Variants in SLC24A4 observed in about 807,000 individuals in gnomAD.
SLC24A4 encodes the protein solute carrier family 24 member 4.
In SLC24A4, 53 loss-of-function variants were observed where a neutral mutation model predicts 79.0. That is an observed-to-expected ratio of 0.67 (90% confidence interval 0.54 to 0.84). SLC24A4 has a LOEUF of 0.84. Among genes scored for constraint, SLC24A4 ranks in the 40% least tolerant of loss-of-function variants. SLC24A4 has a pLI of 0.00. For missense variants in SLC24A4, 731 were observed against 822.0 expected (o/e 0.89, Z 1.35); for synonymous variants, 323 against 323.8 (o/e 1.00, Z 0.03).
chr14:92,483,661 A>G, intron 13 of SLC24A4: 1 of 1,176,872 alleles, frequency 8.5e-7, no homozygotes, highest in African/African-American at 1.6e-5. Context: ...CAGGCCACAC[A>G]GGAGCCTCCT....
intron 12 of SLC24A4, 92 bp from the exon 13 acceptor site, chr14:92,482,588 C>A: frequency 7.9e-7 from 1 of 1,267,980 alleles, no homozygotes; most frequent in Non-Finnish European, 1.1e-6. Flanking sequence ...TCTTATTTAG[C>A]TTGAAGACTA....
intron 12 of SLC24A4, chr14:92,462,886 G>A (rs1445077149): frequency 1.3e-5 from 2 of 152,198 alleles, no homozygotes; most frequent in African/African-American, 4.8e-5. Context: ...GACCCCAGAT[G>A]TGCTTAGGGG....
At chr14:92,483,617 A>C (rs752461907) in intron 13 of SLC24A4, 10 of 647,180 alleles carry the variant, frequency 1.5e-5, no homozygotes, top group Admixed American at 1.5e-4. Flanking sequence ...ACAAGTCCCC[A>C]TGTAAACCTT....
At chr14:92,338,434 C>T (rs1291116909) in intron 2 of SLC24A4, among the ~76,000 whole-genome samples, 1 of 152,214 alleles carries the variant, frequency 6.6e-6, no homozygotes, top group Non-Finnish European at 1.5e-5. Flanking sequence ...TGGGGCTTTT[C>T]AGAATTGATC....
intron 16 of SLC24A4, 134 bp from the exon 17 acceptor site, chr14:92,493,342 T>C: frequency 1.9e-6 from 2 of 1,059,328 alleles, no homozygotes; most frequent in Non-Finnish European, 1.4e-6. Context: ...AGGATCAGAC[T>C]GCAGCACCCC....
intron 15 of SLC24A4, 93 bp from the exon 16 acceptor site, chr14:92,492,082 A>G (rs556231816): frequency 5.2e-6 from 6 of 1,152,554 alleles, no homozygotes; most frequent in East Asian, 2.4e-5. Context: ...TTTCCTGATG[A>G]GGGAATGCAT....
chr14:92,474,717 A>G (rs371683815), intron 12 of SLC24A4, among the ~76,000 whole-genome samples: 3 of 4,912 alleles, frequency 6.1e-4, no homozygotes, highest in African/African-American at 2.7e-4. Context: ...GTGTATATAT[A>G]TATACACACA....
chr14:92,342,184 C>T (rs914383870), intron 2 of SLC24A4, among the ~76,000 whole-genome samples: 3 of 151,746 alleles, frequency 2.0e-5, no homozygotes, highest in Non-Finnish European at 4.4e-5. Context: ...CAAGAGATCA[C>T]GGAGGAGATC....
intron 2 of SLC24A4, among the ~76,000 whole-genome samples, chr14:92,363,180 G>A (rs898720324): frequency 2.6e-5 from 4 of 152,238 alleles, no homozygotes; most frequent in African/African-American, 7.2e-5. Flanking sequence ...CTTGCTTCCA[G>A]CCCGTGCCTC....
At chr14:92,351,988 G>C (rs144172481) in intron 2 of SLC24A4, among the ~76,000 whole-genome samples, 1 of 151,654 alleles carries the variant, frequency 6.6e-6, no homozygotes, top group African/African-American at 2.4e-5. Flanking sequence ...GTAGGTGAAG[G>C]CTTAGTTTTA....
In SLC24A4 at chr14:92,492,238, AC is replaced by A. The variant is rs1381408631; in HGVS notation, c.1716del (p.Val573SerfsTer6). ...VVLLLGSVAL[T>X]VLGIHLNKWR... ...CCTGTTGCTGGGCTCTGTCGCTCTC[AC>A]CGTGAGTCTTTACAATTCCAAAACA... On this transcript the variant is annotated frameshift_variant and splice_region_variant, in exon 16 of 17. Coordinates refer to ENST00000532405, the MANE Select transcript of SLC24A4 (RefSeq NM_153646.4). LOFTEE classifies it high-confidence loss of function. 2 of 1,613,976 alleles carry A rather than the reference AC, an allele frequency of 1.2e-6. No homozygotes were observed. Among genetic ancestry groups the A allele is most frequent in the Non-Finnish European group, 1.7e-6 (2 of 1,179,912 alleles).
chr14:92,359,768 AC>A (rs1407758962), intron 2 of SLC24A4, among the ~76,000 whole-genome samples: 1 of 152,130 alleles, frequency 6.6e-6, no homozygotes, highest in Non-Finnish European at 1.5e-5. Context: ...CCTGCAAATC[AC>A]ACCCCTCCGC....
chr14:92,492,042 G>A (rs573813517), intron 15 of SLC24A4, 133 bp from the exon 16 acceptor site: 13 of 836,380 alleles, frequency 1.6e-5, no homozygotes, highest in East Asian at 4.9e-5. Context: ...GACCCTCCAC[G>A]ACCATGTGGT....
At chr14:92,400,042 A>G (rs1242287192) in intron 2 of SLC24A4, among the ~76,000 whole-genome samples, 1 of 152,276 alleles carries the variant, frequency 6.6e-6, no homozygotes, top group Non-Finnish European at 1.5e-5. Flanking sequence ...GGCGTGAGCA[A>G]CTGTGCCTAG....
intron 13 of SLC24A4, among the ~76,000 whole-genome samples, chr14:92,485,724 T>C (rs558408933): frequency 6.6e-6 from 1 of 152,238 alleles, no homozygotes; most frequent in East Asian, 1.9e-4. Context: ...AAGATCAAAT[T>C]AATGAATATG....
chr14:92,444,657 C>A (rs1415894325), intron 7 of SLC24A4, among the ~76,000 whole-genome samples: 1 of 152,116 alleles, frequency 6.6e-6, no homozygotes, highest in Admixed American at 6.5e-5. Context: ...GAGTTTGAGA[C>A]CAGCCTGGCC....
chr14:92,492,315 G>A, intron 16 of SLC24A4, 75 bp downstream of exon 16: 1 of 1,387,060 alleles, frequency 7.2e-7, no homozygotes, highest in Non-Finnish European at 1.0e-6. Context: ...TCACTTACGT[G>A]ACTCTGTACA....
intron 2 of SLC24A4, among the ~76,000 whole-genome samples, chr14:92,327,591 T>G (rs542270490): frequency 6.6e-6 from 1 of 152,262 alleles, no homozygotes; most frequent in East Asian, 1.9e-4. Flanking sequence ...TCAGGAATGT[T>G]TGGGTGGTTT....
At chr14:92,461,537 C>CTTGT (rs755841979) in intron 12 of SLC24A4, among the ~76,000 whole-genome samples, 4 of 152,164 alleles carry the variant, frequency 2.6e-5, no homozygotes, top group South Asian at 2.1e-4. Flanking sequence ...TTCACGTGGC[C>CTTGT]TTGTTTGTTT....
Sources: allele counts gnomAD v4.1 joint callset (sites outside exome capture counted in the v4.1 genomes callset), GRCh38; gene constraint gnomAD v4.1.1; transcripts MANE v1.5; gene names NCBI Gene and HGNC (gene_info 2026-07-23, HGNC 2026-07-21).